Variants in ANKS1B observed in about 807,000 individuals in gnomAD.
The protein encoded by ANKS1B is ankyrin repeat and sterile alpha motif domain-containing protein 1B.
Under a neutral mutation model 148.3 loss-of-function variants are expected in ANKS1B, and 36 were observed. The observed-to-expected ratio is 0.24, with a 90% CI of 0.19 to 0.32. ANKS1B has a LOEUF of 0.32. Among genes scored for constraint, ANKS1B ranks in the 10% least tolerant of loss-of-function variants. ANKS1B has a pLI of 1.00. For synonymous variants in ANKS1B, 542 were observed against 560.8 expected (o/e 0.97, Z 0.47); for missense variants, 1,157 against 1,542.6 (o/e 0.75, Z 4.19).
At chr12:99,656,613 G>C (rs1348205232) in intron 8 of ANKS1B, among the ~76,000 whole-genome samples, 1 of 152,066 alleles carries the variant, frequency 6.6e-6, no homozygotes, top group Non-Finnish European at 1.5e-5. Context: ...GTCAAACCAA[G>C]ACCTCTAACA....
chr12:99,594,692 A>AAT (rs1233980268), intron 9 of ANKS1B, among the ~76,000 whole-genome samples: 2 of 152,030 alleles, frequency 1.3e-5, no homozygotes, highest in African/African-American at 2.4e-5. Context: ...CATAGAGTAG[A>AAT]ATCGTGGTTG....
intron 12 of ANKS1B, among the ~76,000 whole-genome samples, chr12:99,259,369 A>C (rs765563723): frequency 6.6e-6 from 1 of 152,246 alleles, no homozygotes; most frequent in Non-Finnish European, 1.5e-5. Context: ...TAAGACCGGC[A>C]GCTGCCTTTC....
At chr12:99,432,922 TG>T (rs1407521672) in intron 11 of ANKS1B, among the ~76,000 whole-genome samples, 8 of 152,164 alleles carry the variant, frequency 5.3e-5, no homozygotes, top group African/African-American at 1.9e-4. Context: ...CAGATTATAT[TG>T]GATGTCATGC....
At chr12:99,215,290 G>A (rs757849686) in intron 14 of ANKS1B, among the ~76,000 whole-genome samples, 14 of 152,164 alleles carry the variant, frequency 9.2e-5, no homozygotes, top group Admixed American at 2.0e-4. Context: ...GTGTGCTGCC[G>A]GGGCAAAGCC....
intron 17 of ANKS1B, among the ~76,000 whole-genome samples, chr12:98,863,092 G>T (rs146276959): frequency 1.3e-5 from 2 of 152,230 alleles, no homozygotes; most frequent in Non-Finnish European, 2.9e-5. Flanking sequence ...TTTGTGACTG[G>T]GATACCTTTA....
chr12:99,695,943 C>T (rs530697289), intron 8 of ANKS1B, among the ~76,000 whole-genome samples: 111 of 152,054 alleles, frequency 7.3e-4, no homozygotes, highest in African/African-American at 1.4e-3. Flanking sequence ...TACTAGAGCG[C>T]GGAGGGTGGA....
At chr12:99,540,013 CTA>C (rs2097109763) in intron 9 of ANKS1B, among the ~76,000 whole-genome samples, 1 of 151,870 alleles carries the variant, frequency 6.6e-6, no homozygotes, top group Non-Finnish European at 1.5e-5. Context: ...ACTTCAGTGA[CTA>C]TACTAATATT....
chr12:98,784,421 C>A (rs910251400), intron 22 of ANKS1B, among the ~76,000 whole-genome samples: 4 of 152,172 alleles, frequency 2.6e-5, no homozygotes, highest in African/African-American at 9.7e-5. Flanking sequence ...AAGGTAGGAG[C>A]AATGCCCCAT....
chr12:99,678,406 A>C (rs543361356), intron 8 of ANKS1B, among the ~76,000 whole-genome samples: 33 of 152,272 alleles, frequency 2.2e-4, no homozygotes, highest in African/African-American at 7.7e-4. Context: ...TTAAGTCCTA[A>C]AAATGAAGAT....
chr12:99,759,237 C>T (rs1304749891), intron 8 of ANKS1B, among the ~76,000 whole-genome samples: 4 of 151,834 alleles, frequency 2.6e-5, no homozygotes, highest in African/African-American at 9.7e-5. Flanking sequence ...GCATAGATGG[C>T]AGATGCAAGA....
downstream of ANKS1B, among the ~76,000 whole-genome samples, chr12:98,742,961 C>T (rs572852364): frequency 3.3e-5 from 5 of 152,306 alleles, no homozygotes; most frequent in African/African-American, 1.2e-4. Context: ...TTCGAACCTT[C>T]AGATCGACTA....
intron 8 of ANKS1B, among the ~76,000 whole-genome samples, chr12:99,697,889 T>C (rs928930090): frequency 2.6e-5 from 4 of 152,144 alleles, no homozygotes; most frequent in African/African-American, 9.7e-5. Flanking sequence ...AACCTAAATT[T>C]ACTCTAAAAA....
At chr12:99,286,410 C>A (rs142646849) in intron 12 of ANKS1B, among the ~76,000 whole-genome samples, 39 of 152,172 alleles carry the variant, frequency 2.6e-4, no homozygotes, top group Non-Finnish European at 5.6e-4. Flanking sequence ...AATACCCAGG[C>A]AGTACTTGTC....
intron 17 of ANKS1B, among the ~76,000 whole-genome samples, chr12:98,926,576 G>A (rs1003837025): frequency 3.3e-5 from 5 of 152,120 alleles, no homozygotes; most frequent in African/African-American, 1.2e-4. Flanking sequence ...CTTCCTAGAC[G>A]AAGACTTTAA....
intron 10 of ANKS1B, among the ~76,000 whole-genome samples, chr12:99,485,781 C>G (rs1446155732): frequency 6.6e-6 from 1 of 152,076 alleles, no homozygotes; most frequent in African/African-American, 2.4e-5. Flanking sequence ...TGTCTTTGAG[C>G]TCTGGAATTC....
rs183352408 is a variant in ANKS1B at position 99,706,262 on chromosome 12, A to G, written c.1129-51052T>C. 8.6e-4 allele frequency among the ~76,000 whole-genome samples: 131 copies of G among 152,104 alleles called. No individual in the cohort carries two copies. In the East Asian group the frequency reaches 0.02, roughly 23 times the overall value. On this transcript the variant is annotated intron_variant, in intron 8 of 26. Transcript: ENST00000683438. ...AAATAGATTAGAGACATAAAGATAA[A>G]TACCCAGATAACTAGATAAAAGAGA...
intron 8 of ANKS1B, 100 bp downstream of exon 8, chr12:99,772,822 G>C (rs1350896744): frequency 1.6e-6 from 2 of 1,220,470 alleles, no homozygotes; most frequent in Non-Finnish European, 2.2e-6. Context: ...ATCTTAGAGT[G>C]GCGGAATCTG....
intron 3 of ANKS1B, among the ~76,000 whole-genome samples, chr12:99,806,986 C>T (rs1432331117): frequency 6.6e-6 from 1 of 152,040 alleles, no homozygotes; most frequent in Non-Finnish European, 1.5e-5. Context: ...TGTCAGAGGC[C>T]CTCCTGGGTC....
intron 8 of ANKS1B, among the ~76,000 whole-genome samples, chr12:99,733,267 T>G (rs970852898): frequency 8.5e-5 from 13 of 152,182 alleles, no homozygotes; most frequent in African/African-American, 3.1e-4. Context: ...ATAATCAACA[T>G]ACAATTACAA....
Sources: allele counts gnomAD v4.1 joint callset (sites outside exome capture counted in the v4.1 genomes callset), GRCh38; gene constraint gnomAD v4.1.1; transcripts MANE v1.5; gene names NCBI Gene and HGNC (gene_info 2026-07-23, HGNC 2026-07-21).